AKAP19: variants seen among roughly 807,000 people sequenced by gnomAD.
AKAP19 encodes the protein small A-kinase anchoring protein.
chr2:190,102,824 T>A, the AKAP19 span, among the ~76,000 whole-genome samples: 57 of 152,228 alleles, frequency 3.7e-4, no homozygotes, highest in Middle Eastern at 6.8e-3. Context: ...GAGGAAGGAC[T>A]CCTTCCTAAC....
the AKAP19 span, among the ~76,000 whole-genome samples, chr2:189,882,168 C>T: frequency 6.6e-6 from 1 of 152,140 alleles, no homozygotes; most frequent in Non-Finnish European, 1.5e-5. Context: ...TTAACTGAGA[C>T]CTGTCTCAGA....
chr2:189,953,685 A>G, the AKAP19 span, among the ~76,000 whole-genome samples: 4 of 151,650 alleles, frequency 2.6e-5, no homozygotes, highest in South Asian at 8.3e-4. Flanking sequence ...ATATTGATTC[A>G]TTCATTTCTC....
the AKAP19 span, among the ~76,000 whole-genome samples, chr2:189,915,645 A>G: frequency 6.6e-6 from 1 of 152,164 alleles, no homozygotes; most frequent in African/African-American, 2.4e-5. Flanking sequence ...CCAGATGGTT[A>G]CTTAAATATA....
At chr2:190,073,700 A>G in the AKAP19 span, among the ~76,000 whole-genome samples, 1 of 152,030 alleles carries the variant, frequency 6.6e-6, no homozygotes, top group Non-Finnish European at 1.5e-5. Flanking sequence ...TCTTTATATT[A>G]TAGGACCAGT....
the AKAP19 span, among the ~76,000 whole-genome samples, chr2:189,996,888 G>T: frequency 6.6e-6 from 1 of 152,166 alleles, no homozygotes; most frequent in African/African-American, 2.4e-5. Context: ...ACCCAGCAGG[G>T]CTACCAGGCT....
At chr2:190,075,007 A>G in the AKAP19 span, among the ~76,000 whole-genome samples, 1 of 152,234 alleles carries the variant, frequency 6.6e-6, no homozygotes, top group South Asian at 2.1e-4. Context: ...ATTTAAAATT[A>G]GCTAGGCGTG....
chr2:190,009,888 A>G, the AKAP19 span, among the ~76,000 whole-genome samples: 1 of 149,776 alleles, frequency 6.7e-6, no homozygotes, highest in Non-Finnish European at 1.5e-5. Context: ...AACCAAGAGA[A>G]AAAAAAAAAG....
the AKAP19 span, among the ~76,000 whole-genome samples, chr2:189,971,671 T>C: frequency 2.6e-5 from 4 of 152,108 alleles, no homozygotes; most frequent in Non-Finnish European, 5.9e-5. Context: ...TTAATGATCG[T>C]CATTCTAACT....
the AKAP19 span, among the ~76,000 whole-genome samples, chr2:190,004,807 G>C: frequency 6.6e-6 from 1 of 152,112 alleles, no homozygotes; most frequent in African/African-American, 2.4e-5. Context: ...ACAAGGGAAA[G>C]GCACCATTTT....
the AKAP19 span, among the ~76,000 whole-genome samples, chr2:190,074,290 A>T: frequency 3.9e-5 from 6 of 152,188 alleles, no homozygotes; most frequent in Non-Finnish European, 8.8e-5. Context: ...GGGGAATATC[A>T]CTAATGGATA....
chr2:190,075,956 A>G, the AKAP19 span, among the ~76,000 whole-genome samples: 1 of 151,722 alleles, frequency 6.6e-6, no homozygotes. Flanking sequence ...CTATTGATTT[A>G]CTCACTATGC....
chr2:190,081,483 G>A, the AKAP19 span, among the ~76,000 whole-genome samples: 4 of 152,010 alleles, frequency 2.6e-5, no homozygotes, highest in Non-Finnish European at 5.9e-5. Flanking sequence ...CTCCTAACCC[G>A]CATCTTACCT....
At chr2:190,193,849 T>G in the AKAP19 span, among the ~76,000 whole-genome samples, 23 of 152,296 alleles carry the variant, frequency 1.5e-4, no homozygotes, top group Non-Finnish European at 4.4e-5. Flanking sequence ...TTAATTTGCT[T>G]TTCTTTTTTT....
chr2:190,099,946 G>C, the AKAP19 span, among the ~76,000 whole-genome samples: 2 of 152,164 alleles, frequency 1.3e-5, no homozygotes, highest in Admixed American at 1.3e-4. Context: ...AATTAAAAAG[G>C]AAACTTCAAG....
chr2:189,880,038 A>C, the AKAP19 span, among the ~76,000 whole-genome samples: 5 of 152,162 alleles, frequency 3.3e-5, no homozygotes, highest in Admixed American at 2.0e-4. Context: ...CTGTATTCAG[A>C]TGAACGGATT....
the AKAP19 span, among the ~76,000 whole-genome samples, chr2:189,989,656 A>G: frequency 6.6e-6 from 1 of 152,164 alleles, no homozygotes; most frequent in Non-Finnish European, 1.5e-5. Context: ...TCCTAATAAT[A>G]CAACTATGAC....
At chr2:189,992,870 T>C in the AKAP19 span, among the ~76,000 whole-genome samples, 1 of 152,238 alleles carries the variant, frequency 6.6e-6, no homozygotes, top group East Asian at 1.9e-4. Flanking sequence ...TGATTTTGTA[T>C]CCTGAAACTT....
chr2:190,009,781 A>C, the AKAP19 span, among the ~76,000 whole-genome samples: 1 of 152,168 alleles, frequency 6.6e-6, no homozygotes, highest in African/African-American at 2.4e-5. Flanking sequence ...AGAGAAGAGA[A>C]ATGGATCAAA....
chr2:190,193,595 T>C, the AKAP19 span, among the ~76,000 whole-genome samples: 1 of 152,178 alleles, frequency 6.6e-6, no homozygotes. Flanking sequence ...TATCATTTTT[T>C]TCTTGTGCCA....
Sources: allele counts gnomAD v4.1 joint callset (sites outside exome capture counted in the v4.1 genomes callset), GRCh38; gene constraint gnomAD v4.1.1; transcripts MANE v1.5; gene names NCBI Gene and HGNC (gene_info 2026-07-23, HGNC 2026-07-21).